The following RANBP2 variants were observed in gnomAD, a reference collection of about 807,000 sequenced individuals.
RANBP2 encodes the protein RAN binding protein 2.
RANBP2 carries 57 observed loss-of-function variants against 303.6 expected under a neutral mutation model. That is an observed-to-expected ratio of 0.19 (90% CI 0.15 to 0.23). The LOEUF (loss-of-function observed/expected upper bound fraction) is 0.23, where lower values mean the gene tolerates loss of function less well. RANBP2 is among the 10% of genes least tolerant of loss of function. The probability of loss-of-function intolerance (pLI) is 1.00; values close to 1 mark genes in which losing one functional copy is unlikely to be tolerated. For missense variants in RANBP2, 3,138 were observed against 3,780.8 expected (o/e 0.83, Z 4.46); for synonymous variants, 1,167 against 1,301.5 (o/e 0.90, Z 2.23).
At chr2:109,715,713 C>T in the RANBP2 span, among the ~76,000 whole-genome samples, 33 of 152,298 alleles carry the variant, frequency 2.2e-4, no homozygotes, top group South Asian at 1.5e-3. Flanking sequence ...GCTCTTCCTC[C>T]TTCCCTGGAG....
At chr2:109,393,705 C>T in the RANBP2 span, among the ~76,000 whole-genome samples, 1 of 151,926 alleles carries the variant, frequency 6.6e-6, no homozygotes, top group African/African-American at 2.4e-5. Flanking sequence ...CAAGCCCTGT[C>T]GCTCAGTGCT....
the RANBP2 span, among the ~76,000 whole-genome samples, chr2:109,731,057 GGATTACAGGTGT>G: frequency 8.6e-5 from 13 of 151,966 alleles, no homozygotes; most frequent in Admixed American, 8.5e-4. Context: ...CAAATTGCTG[GGATTACAGGTGT>G]GAGCCACCGC....
the RANBP2 span, among the ~76,000 whole-genome samples, chr2:109,357,052 T>C: frequency 6.6e-6 from 1 of 151,778 alleles, no homozygotes; most frequent in African/African-American, 2.4e-5. Context: ...GACTGTTACC[T>C]TTTTAAAATT....
At chr2:109,257,294 A>G in the RANBP2 span, among the ~76,000 whole-genome samples, 17 of 149,718 alleles carry the variant, frequency 1.1e-4, no homozygotes, top group Admixed American at 6.0e-4. Context: ...TCTGCTTTTA[A>G]GTGATGTGGG....
downstream of RANBP2, among the ~76,000 whole-genome samples, chr2:108,786,352 C>T (rs1040557845): frequency 6.6e-6 from 1 of 151,630 alleles, no homozygotes; most frequent in African/African-American, 2.4e-5. Flanking sequence ...GCCTCAGCCT[C>T]CTTAGCAGCC....
chr2:109,543,174 C>A, the RANBP2 span: 1 of 152,494 alleles, frequency 6.6e-6, no homozygotes, highest in Non-Finnish European at 1.5e-5. Flanking sequence ...ATTTTTATAT[C>A]TTTAATATTC....
chr2:108,985,441 G>A, the RANBP2 span, among the ~76,000 whole-genome samples: 6 of 152,376 alleles, frequency 3.9e-5, no homozygotes, highest in South Asian at 2.1e-4. Context: ...CAGGGCTACC[G>A]CCACAGGTGC....
At chr2:109,664,744 A>G in the RANBP2 span, among the ~76,000 whole-genome samples, 3 of 152,310 alleles carry the variant, frequency 2.0e-5, no homozygotes, top group African/African-American at 7.2e-5. Context: ...AGCCTGGCTA[A>G]CATGGTGAAA....
the RANBP2 span, among the ~76,000 whole-genome samples, chr2:108,841,114 G>T: frequency 6.6e-6 from 1 of 152,104 alleles, no homozygotes; most frequent in Non-Finnish European, 1.5e-5. Context: ...GGGATTACAG[G>T]TGTGAGCCAC....
the RANBP2 span, among the ~76,000 whole-genome samples, chr2:108,893,872 A>G: frequency 2.6e-5 from 4 of 152,076 alleles, no homozygotes; most frequent in African/African-American, 9.7e-5. Flanking sequence ...TCTAAGAACC[A>G]TTGTCTTCCT....
At chr2:109,696,553 G>A in the RANBP2 span, among the ~76,000 whole-genome samples, 1 of 152,072 alleles carries the variant, frequency 6.6e-6, no homozygotes, top group African/African-American at 2.4e-5. Context: ...GACAACCTTA[G>A]CTTCTTGGTC....
the RANBP2 span, among the ~76,000 whole-genome samples, chr2:108,841,358 A>T: frequency 6.6e-6 from 1 of 152,078 alleles, no homozygotes; most frequent in Non-Finnish European, 1.5e-5. Context: ...AGATAGATGG[A>T]TGTTGAAGTC....
At chr2:109,655,066 C>T in the RANBP2 span, among the ~76,000 whole-genome samples, 23 of 152,010 alleles carry the variant, frequency 1.5e-4, no homozygotes, top group African/African-American at 5.3e-4. Flanking sequence ...CCATGCCCGG[C>T]TAATTTTTGT....
chr2:108,879,744 A>G, the RANBP2 span, among the ~76,000 whole-genome samples: 2 of 152,300 alleles, frequency 1.3e-5, no homozygotes, highest in South Asian at 4.1e-4. Context: ...CTAAGCCGCT[A>G]TCATTGTTGT....
the RANBP2 span, among the ~76,000 whole-genome samples, chr2:109,065,128 AATACTGTTGGCCC>A: frequency 1.3e-5 from 2 of 152,194 alleles, no homozygotes; most frequent in African/African-American, 4.8e-5. Flanking sequence ...CAAACTAGCA[AATACTGTTGGCCC>A]AGCTTCCAAC....
At chr2:109,453,012 T>G in the RANBP2 span, among the ~76,000 whole-genome samples, 1 of 151,712 alleles carries the variant, frequency 6.6e-6, no homozygotes, top group African/African-American at 2.4e-5. Context: ...CCCGGGAAAC[T>G]GGTCCCCGGG....
intron 4 of RANBP2, among the ~76,000 whole-genome samples, chr2:108,734,728 T>C (rs979852976): frequency 1.3e-5 from 2 of 151,268 alleles, no homozygotes; most frequent in African/African-American, 4.9e-5. Context: ...ATAACAAGGG[T>C]GGTATGGTGG....
chr2:109,691,171 G>A, the RANBP2 span, among the ~76,000 whole-genome samples: 2 of 152,178 alleles, frequency 1.3e-5, no homozygotes, highest in Non-Finnish European at 2.9e-5. Context: ...CAGAAGCCTA[G>A]CAAGTGTGTT....
chr2:109,214,805 G>T, the RANBP2 span, among the ~76,000 whole-genome samples: 2 of 152,206 alleles, frequency 1.3e-5, no homozygotes, highest in East Asian at 3.9e-4. Context: ...CCCTAAAGGG[G>T]AGCAAGATCT....
Sources: gnomAD v4.1 joint callset for allele counts (sites outside exome capture counted in the v4.1 genomes callset) on GRCh38, gnomAD v4.1.1 for gene constraint, MANE v1.5 for transcripts, NCBI Gene and HGNC (gene_info 2026-07-23, HGNC 2026-07-21) for gene names.